Variants in TCF3 observed in about 807,000 individuals in gnomAD.
TCF3 encodes the protein transcription factor E2-alpha.
TCF3 carries 54 observed loss-of-function variants against 72.3 expected under a neutral mutation model. That is an observed-to-expected ratio of 0.75 (90% CI 0.60 to 0.94). The LOEUF is 0.94. Ranked by LOEUF, TCF3 falls within the 40% of genes least tolerant of loss-of-function variation. The pLI, the probability that TCF3 is intolerant of heterozygous loss-of-function variation, is 0.00. For synonymous variants in TCF3, 525 were observed against 412.6 expected (o/e 1.27, Z -3.30); for missense variants, 1,078 against 934.4 (o/e 1.15, Z -2.00).
At chr19:1,623,454 G>A (rs1230413375) in intron 8 of TCF3, among the ~76,000 whole-genome samples, 1 of 150,890 alleles carries the variant, frequency 6.6e-6, no homozygotes, top group African/African-American at 2.4e-5. Flanking sequence ...CATGATCTTG[G>A]CTCACTGCAA....
rs1205500386 is a variant in TCF3 at position 1,619,917 on chromosome 19, A to C, written c.1094-64T>G. The C allele has an allele frequency of 2.2e-6, 3 of 1,351,942 alleles. No homozygotes were observed. In the East Asian group the frequency reaches 7.6e-5, roughly 34 times the overall value. 83.7% of individuals were successfully genotyped at this position (1,351,942 alleles called of 1,614,324 possible). A position where few individuals can be genotyped will look rare whatever the true frequency, so the allele number is the denominator to read the frequency against. ...GGGGTGTGAGCATGGCCTGATGCCCATGGGGAGGGATTCATGAACCACCCC... is the reference window on the plus strand; with the variant it reads ...GGGGTGTGAGCATGGCCTGATGCCCCTGGGGAGGGATTCATGAACCACCCC... On this transcript the variant is annotated intron_variant, in intron 13 of 18. Transcript: ENST00000262965.
chr19:1,624,660 C>T (rs759366662), intron 7 of TCF3, among the ~76,000 whole-genome samples: 3 of 152,300 alleles, frequency 2.0e-5, no homozygotes, highest in East Asian at 3.9e-4. Flanking sequence ...ATCCGTAACC[C>T]GGAAACCAGC....
intron 5 of TCF3, among the ~76,000 whole-genome samples, chr19:1,629,437 G>C (rs1315574566): frequency 1.3e-5 from 2 of 152,148 alleles, no homozygotes; most frequent in African/African-American, 2.4e-5. Flanking sequence ...CAGTGACAAA[G>C]GACAGGTGAG....
intron 13 of TCF3, among the ~76,000 whole-genome samples, chr19:1,620,606 T>A (rs1309481408): frequency 2.0e-5 from 3 of 152,176 alleles, no homozygotes; most frequent in Non-Finnish European, 2.9e-5. Context: ...AGGTCCTGCC[T>A]CCTGGCTTTG....
chr19:1,652,379 G>A lies in TCF3; in HGVS notation c.-119C>T, dbSNP rs1325225873. The A allele has an allele frequency of 2.8e-5, 4 of 142,502 alleles. No homozygotes were observed. In the East Asian group the frequency reaches 8.4e-4, roughly 30 times the overall value. The allele number at this position is 142,502 out of a possible 1,614,324, so 8.8% of individuals were successfully genotyped here. On this transcript the variant is annotated 5_prime_UTR_variant, in exon 1 of 19. Transcript: ENST00000262965. The stretch of plus-strand genomic sequence containing the variant: ...GGGGGGCCCCCCCCCGGACAAAGGT[G>A]CGTCGCGGCCGGGCCCCCGAGGGTC...
At chr19:1,625,845 T>A in intron 6 of TCF3, 137 bp from the exon 7 acceptor site, 2 of 1,104,994 alleles carry the variant, frequency 1.8e-6, no homozygotes, top group Non-Finnish European at 2.4e-6. Context: ...CCTGTCACGG[T>A]GTTTCTCTGT....
intron 3 of TCF3, among the ~76,000 whole-genome samples, chr19:1,645,758 G>C (rs898667582): frequency 2.6e-5 from 4 of 152,188 alleles, no homozygotes; most frequent in Non-Finnish European, 5.9e-5. Context: ...TGTGTCATCA[G>C]CGAGGGTGAC....
Position 1,615,148 on chromosome 19 carries a change from G to T in TCF3, c.1822+137C>A. Reference sequence around the variant, plus strand: ...TGGCAATGCGGTCAGAGGGGTGAAGGGCACAGTCACTGCAAGGAGGCAACT... The same window carrying T: ...TGGCAATGCGGTCAGAGGGGTGAAGTGCACAGTCACTGCAAGGAGGCAACT... On this transcript the variant is annotated intron_variant, in intron 18 of 18. Coordinates refer to ENST00000262965, the MANE Select transcript of TCF3 (RefSeq NM_003200.5). This position sits in a 1 kb window ranked among gnomAD's most constrained non-coding sequence, Gnocchi z 7.3. 9.6e-7 allele frequency: 1 copy of T among 1,045,622 alleles called. No individual in the cohort carries two copies. The highest frequency in any genetic ancestry group is 1.3e-6 in the Non-Finnish European group (1 of 740,990). 64.8% of individuals were successfully genotyped at this position (1,045,622 alleles called of 1,614,324 possible). A position where few individuals can be genotyped will look rare whatever the true frequency, so the allele number is the denominator to read the frequency against.
intron 3 of TCF3, among the ~76,000 whole-genome samples, chr19:1,635,820 AGCC>A (rs1200425969): frequency 1.3e-5 from 2 of 152,248 alleles, no homozygotes; most frequent in Admixed American, 6.5e-5. Flanking sequence ...ATGAAATAAC[AGCC>A]ACCACCAAAT....
intron 3 of TCF3, among the ~76,000 whole-genome samples, chr19:1,639,479 C>T (rs568956314): frequency 2.6e-5 from 4 of 152,218 alleles, no homozygotes; most frequent in Non-Finnish European, 2.9e-5. Context: ...AGGGGGATGG[C>T]GCTGCTCTCA....
intron 18 of TCF3, among the ~76,000 whole-genome samples, chr19:1,613,286 C>T (rs1051239056): frequency 5.9e-5 from 9 of 152,162 alleles, no homozygotes; most frequent in Non-Finnish European, 1.2e-4. Context: ...TGCAAGTGCC[C>T]TCAGACTCAG....
chr19:1,615,592 C>T lies in TCF3; in HGVS notation c.1587-72G>A, dbSNP rs532680499. 6.3e-5 allele frequency: 101 copies of T among 1,605,102 alleles called. No homozygotes were observed. Among genetic ancestry groups the T allele is most frequent in the South Asian group, 1.8e-4 (16 of 91,006 alleles). ...GGGGGAAGAGCGTGGGGCCCGCCGA[C>T]GGCCTCCCAGTGTGGGTGCGGTGTG... On this transcript the variant is annotated intron_variant, in intron 17 of 18. Transcript: ENST00000262965. This position sits in a 1 kb window ranked among gnomAD's most constrained non-coding sequence, Gnocchi z 7.3.
Position 1,611,601 on chromosome 19 carries a change from G to A in TCF3, c.*106C>T, listed in dbSNP as rs1870386108. On this transcript the variant is annotated 3_prime_UTR_variant, in exon 19 of 19. Coordinates refer to ENST00000262965, the MANE Select transcript of TCF3 (RefSeq NM_003200.5). ...TGGTGTTGGCTCGATGCTGACAACA[G>A]GTGTGTGAGGTGTGGATGTGGATGA... 9 of 1,438,914 alleles carry A rather than the reference G, an allele frequency of 6.3e-6. No homozygotes were observed. Among genetic ancestry groups the A allele is most frequent in the Non-Finnish European group, 8.4e-6 (9 of 1,069,994 alleles). 89.1% of individuals were successfully genotyped at this position (1,438,914 alleles called of 1,614,324 possible). A position where few individuals can be genotyped will look rare whatever the true frequency, so the allele number is the denominator to read the frequency against.
Position 1,619,864 on chromosome 19 carries a change from G to A in TCF3, c.1094-11C>T, listed in dbSNP as rs751342214. The A allele has an allele frequency of 3.8e-6, 6 of 1,572,348 alleles. No homozygotes were observed. The East Asian group carries it at 9.5e-5, about 25-fold the overall frequency. ...GCCACTGTGACGTTCCTGGAAGGGA[G>A]TGGGGACGTGAATGGGGTGCGAGGG... On this transcript the variant is annotated splice_polypyrimidine_tract_variant and intron_variant, in intron 13 of 18. Transcript: ENST00000262965.
At chr19:1,621,216 C>T in intron 11 of TCF3, 25 bp from the exon 12 acceptor site, 2 of 1,531,504 alleles carry the variant, frequency 1.3e-6, no homozygotes, top group Non-Finnish European at 1.7e-6. Context: ...AGGTGAGGCC[C>T]ACGCAGCCCG....
At chr19:1,619,717 A>T in intron 14 of TCF3, 63 bp downstream of exon 14, 1 of 1,248,886 alleles carries the variant, frequency 8.0e-7, no homozygotes. Context: ...TCTCCTTCTC[A>T]AGGAGCGTCT....
chr19:1,619,007 C>T (rs556044830), intron 16 of TCF3, 104 bp downstream of exon 16: 279 of 1,544,900 alleles, frequency 1.8e-4, no homozygotes, highest in Non-Finnish European at 2.3e-4. Context: ...GGTGCCCCCA[C>T]GGTGACACCT....
At chr19:1,621,328 C>G in intron 11 of TCF3, 137 bp from the exon 12 acceptor site, 1 of 1,098,948 alleles carries the variant, frequency 9.1e-7, no homozygotes, top group Non-Finnish European at 1.3e-6. Context: ...CGGTTTCTGT[C>G]TGACCCCCTG....
intron 3 of TCF3, among the ~76,000 whole-genome samples, chr19:1,636,258 C>T (rs1399507928): frequency 6.6e-6 from 1 of 152,038 alleles, no homozygotes. Context: ...CTCCTGGGTT[C>T]AAGTGATTTT....
Sources: allele counts gnomAD v4.1 joint callset (sites outside exome capture counted in the v4.1 genomes callset), GRCh38; gene constraint gnomAD v4.1.1; non-coding constraint Gnocchi (gnomAD v3.1); transcripts MANE v1.5; gene names NCBI Gene and HGNC (gene_info 2026-07-23, HGNC 2026-07-21).